Variants in SOX6 observed in about 807,000 individuals in gnomAD.
SOX6 encodes the protein transcription factor SOX-6.
Under a neutral mutation model 97.8 loss-of-function variants are expected in SOX6, and 11 were observed. That is an observed-to-expected ratio of 0.11 (90% CI 0.07 to 0.19). SOX6 has a LOEUF of 0.19. SOX6 is among the 10% of genes least tolerant of loss of function. SOX6 has a pLI of 1.00. For missense variants in SOX6, 810 were observed against 1,039.5 expected (o/e 0.78, Z 3.04); for synonymous variants, 360 against 371.4 (o/e 0.97, Z 0.35).
intron 3 of SOX6, among the ~76,000 whole-genome samples, chr11:16,705,821 A>G (rs1373807431): frequency 6.6e-6 from 1 of 152,180 alleles, no homozygotes; most frequent in African/African-American, 2.4e-5. Context: ...AAAATCACTA[A>G]AAAAATAACC....
intron 6 of SOX6, among the ~76,000 whole-genome samples, chr11:16,132,710 T>G (rs555774188): frequency 1.4e-5 from 2 of 146,888 alleles, no homozygotes; most frequent in Non-Finnish European, 3.0e-5. Context: ...TTTTTTTTTT[T>G]GTTCCATTTA....
chr11:16,567,723 C>T lies in SOX6; in HGVS notation n.609+44358G>A, dbSNP rs571696159. ...CTGGGATTACAGGTGCATGCCACCA[C>T]GCCTGGCTGATTTTTTTTTTTTTTT... On this transcript the variant is annotated intron_variant and non_coding_transcript_variant, in intron 4 of 5. Transcript: ENST00000524520. Among the ~76,000 whole-genome samples, 30 of 138,276 alleles carry T rather than the reference C, an allele frequency of 2.2e-4. No individual in the cohort carries two copies. The South Asian group carries it at 5.6e-3, about 26-fold the overall frequency. 90.7% of individuals were successfully genotyped at this position (138,276 alleles called of 152,430 possible).
chr11:16,512,102 C>T (rs1453273279), intron 4 of SOX6, among the ~76,000 whole-genome samples: 1 of 152,084 alleles, frequency 6.6e-6, no homozygotes, highest in Non-Finnish European at 1.5e-5. Flanking sequence ...TAGAAACCAA[C>T]CAAAACCTAC....
At chr11:16,353,664 C>T (rs1209653510) in intron 1 of SOX6, among the ~76,000 whole-genome samples, 1 of 151,946 alleles carries the variant, frequency 6.6e-6, no homozygotes, top group Non-Finnish European at 1.5e-5. Flanking sequence ...ACATGAGAAT[C>T]CAATTGTTTC....
At chr11:16,008,709 T>C (rs546922673) in intron 13 of SOX6, among the ~76,000 whole-genome samples, 2 of 152,204 alleles carry the variant, frequency 1.3e-5, no homozygotes, top group East Asian at 3.9e-4. Context: ...CAAATATATT[T>C]CTTTAAGAGA....
chr11:16,169,309 A>G (rs79650972), intron 6 of SOX6, among the ~76,000 whole-genome samples: 2,394 of 152,220 alleles, frequency 0.016, 62 homozygotes, highest in African/African-American at 0.055. Flanking sequence ...TAGTCCTATC[A>G]TTATAATATA....
intron 6 of SOX6, among the ~76,000 whole-genome samples, chr11:16,161,595 A>G (rs1163011421): frequency 3.3e-5 from 5 of 152,148 alleles, no homozygotes; most frequent in Non-Finnish European, 5.9e-5. Flanking sequence ...GACAAAGGAA[A>G]AATGCTGACC....
chr11:16,169,988 T>C (rs1298865126), intron 6 of SOX6, among the ~76,000 whole-genome samples: 1 of 152,102 alleles, frequency 6.6e-6, no homozygotes, highest in African/African-American at 2.4e-5. Context: ...ATAAAATAGT[T>C]GCTAAGCCAT....
At chr11:16,264,238 T>C (rs970787019) in intron 3 of SOX6, among the ~76,000 whole-genome samples, 4 of 151,964 alleles carry the variant, frequency 2.6e-5, no homozygotes, top group Non-Finnish European at 5.9e-5. Flanking sequence ...AGATAACCAG[T>C]CTCAATAGTT....
intron 4 of SOX6, among the ~76,000 whole-genome samples, chr11:16,571,368 T>C (rs1847936418): frequency 6.6e-6 from 1 of 152,232 alleles, no homozygotes; most frequent in Non-Finnish European, 1.5e-5. Flanking sequence ...TCTGTATGAA[T>C]AACTGTCAGA....
rs1156247462 is a variant in SOX6 at position 15,969,330 on chromosome 11, C to T, written c.*3479G>A. On this transcript the variant is annotated 3_prime_UTR_variant, in exon 16 of 16. Transcript: ENST00000683767. ...TGCCTTTGTAGTGGCATTCATGCTT[C>T]TTGCTATTAAATGGTCACAGAACTA... 1.3e-5 allele frequency: 2 copies of T among 152,150 alleles called. No individual in the cohort carries two copies. The highest frequency in any genetic ancestry group is 2.9e-5 in the Non-Finnish European group (2 of 68,026). 9.4% of individuals were successfully genotyped at this position (152,150 alleles called of 1,614,324 possible). A position where few individuals can be genotyped will look rare whatever the true frequency, so the allele number is the denominator to read the frequency against.
chr11:16,532,864 T>A (rs1861257046), intron 4 of SOX6, among the ~76,000 whole-genome samples: 1 of 151,900 alleles, frequency 6.6e-6, no homozygotes, highest in Admixed American at 6.6e-5. Flanking sequence ...GTGTAATCAC[T>A]CTTCATAGGT....
chr11:16,067,531 G>A (rs1405863933), intron 9 of SOX6, among the ~76,000 whole-genome samples: 1 of 152,096 alleles, frequency 6.6e-6, no homozygotes, highest in Non-Finnish European at 1.5e-5. Flanking sequence ...CAGCCATGTG[G>A]AACTCTGAGT....
At chr11:16,149,316 T>G (rs1477264587) in intron 6 of SOX6, among the ~76,000 whole-genome samples, 1 of 152,108 alleles carries the variant, frequency 6.6e-6, no homozygotes, top group Non-Finnish European at 1.5e-5. Flanking sequence ...TACTGTAGGC[T>G]CTACAGTAAT....
intron 6 of SOX6, among the ~76,000 whole-genome samples, chr11:16,123,794 CTTTTA>C (rs990555810): frequency 3.9e-5 from 6 of 152,028 alleles, no homozygotes; most frequent in African/African-American, 1.4e-4. Flanking sequence ...TAATTTTATA[CTTTTA>C]TTTAGTGCCA....
chr11:15,973,493 A>T (rs979124589), intron 15 of SOX6, among the ~76,000 whole-genome samples: 1 of 152,316 alleles, frequency 6.6e-6, no homozygotes, highest in Non-Finnish European at 1.5e-5. Context: ...AAATTAGACT[A>T]GTGGCATGAA....
At chr11:16,546,882 C>T (rs1847627232) in intron 4 of SOX6, among the ~76,000 whole-genome samples, 1 of 151,980 alleles carries the variant, frequency 6.6e-6, no homozygotes, top group Non-Finnish European at 1.5e-5. Context: ...GACTAACATC[C>T]AAAATATACA....
intron 3 of SOX6, among the ~76,000 whole-genome samples, chr11:16,267,105 G>A (rs947589143): frequency 6.6e-6 from 1 of 151,236 alleles, no homozygotes; most frequent in African/African-American, 2.4e-5. Flanking sequence ...AAACATAGAG[G>A]AAAAACTATA....
intron 15 of SOX6, among the ~76,000 whole-genome samples, chr11:15,974,378 CTTTTTTTTT>C (rs35597667): frequency 4.7e-5 from 4 of 85,658 alleles, no homozygotes; most frequent in South Asian, 1.0e-3. Flanking sequence ...TTAGCTCTCT[CTTTTTTTTT>C]TTTTTTTTTT....
Sources: allele counts gnomAD v4.1 joint callset (sites outside exome capture counted in the v4.1 genomes callset), GRCh38; gene constraint gnomAD v4.1.1; transcripts MANE v1.5; gene names NCBI Gene and HGNC (gene_info 2026-07-23, HGNC 2026-07-21).